Variants in TRMT9B observed in about 807,000 individuals in gnomAD.
TRMT9B encodes tRNA methyltransferase 9B (putative), also known as probable tRNA methyltransferase 9B.
A neutral mutation model predicts 11.5 loss-of-function variants in TRMT9B; 16 were observed. The ratio of observed to expected loss-of-function variants is 1.39; its 90% CI spans 0.94 to 2.11. The LOEUF is 2.11. Ranked by LOEUF, TRMT9B falls within the 30% of genes most tolerant of loss-of-function variation. TRMT9B has a pLI of 0.00. For missense variants in TRMT9B, 941 were observed against 553.8 expected (o/e 1.70, Z -7.02); for synonymous variants, 274 against 192.4 (o/e 1.42, Z -3.51).
intron 1 of TRMT9B, among the ~76,000 whole-genome samples, chr8:12,978,661 G>A (rs1804852934): frequency 6.6e-6 from 1 of 152,162 alleles, no homozygotes; most frequent in Non-Finnish European, 1.5e-5. Context: ...AGTAGCCACT[G>A]CAGGGCATGA....
intron 2 of TRMT9B, among the ~76,000 whole-genome samples, chr8:12,998,449 T>C (rs1808762823): frequency 6.6e-6 from 1 of 152,244 alleles, no homozygotes; most frequent in Non-Finnish European, 1.5e-5. Flanking sequence ...CATAGAGGAC[T>C]CACTACAGGC....
chr8:12,972,266 C>G (rs1410805675), intron 1 of TRMT9B, among the ~76,000 whole-genome samples: 1 of 152,134 alleles, frequency 6.6e-6, no homozygotes, highest in African/African-American at 2.4e-5. Flanking sequence ...GACGAGGGGT[C>G]CCCAGAGCTG....
chr8:12,998,939 G>A (rs1808857153), intron 2 of TRMT9B, among the ~76,000 whole-genome samples: 1 of 152,190 alleles, frequency 6.6e-6, no homozygotes, highest in Admixed American at 6.5e-5. Flanking sequence ...AATTGTGGCT[G>A]TTGGATATAT....
intron 1 of TRMT9B, among the ~76,000 whole-genome samples, chr8:12,975,723 G>A (rs1804345349): frequency 6.7e-6 from 1 of 149,144 alleles, no homozygotes; most frequent in Admixed American, 6.9e-5. Flanking sequence ...GGGCGACAGA[G>A]CAAGACTGTC....
intron 3 of TRMT9B, chr8:13,010,722 T>C (rs1811428442): frequency 4.1e-6 from 4 of 984,720 alleles, no homozygotes; most frequent in Non-Finnish European, 4.8e-6. Flanking sequence ...CTTTCATTTC[T>C]CCTAAAGTAT....
At chr8:13,011,599 T>C (rs1009721276) in intron 3 of TRMT9B, 10 of 952,268 alleles carry the variant, frequency 1.1e-5, no homozygotes, top group Admixed American at 6.2e-5. Context: ...GTAGAAGGCT[T>C]TGTTTCAAGG....
intron 1 of TRMT9B, among the ~76,000 whole-genome samples, chr8:12,976,707 T>C (rs1454175496): frequency 6.6e-6 from 1 of 152,062 alleles, no homozygotes; most frequent in Non-Finnish European, 1.5e-5. Context: ...GTCAGCAAGG[T>C]TAAGAAAACT....
intron 2 of TRMT9B, among the ~76,000 whole-genome samples, chr8:13,001,590 C>A (rs1400706439): frequency 1.3e-5 from 2 of 152,162 alleles, no homozygotes; most frequent in South Asian, 2.1e-4. Flanking sequence ...ATTAACATTT[C>A]CACAGTGTCT....
At chr8:13,012,121 C>A (rs1046339658) in intron 3 of TRMT9B, 22 of 985,538 alleles carry the variant, frequency 2.2e-5, no homozygotes, top group Non-Finnish European at 2.5e-5. Context: ...GTGTACTGAG[C>A]CCTGTGGACA....
In TRMT9B at chr8:13,028,097, T is replaced by C. The variant is rs1434452563; in HGVS notation, c.*6053T>C. The C allele has an allele frequency of 6.0e-6, 1 of 167,098 alleles. No individual in the cohort carries two copies. The highest frequency in any genetic ancestry group is 1.5e-5 in the Non-Finnish European group (1 of 68,120). 10.4% of individuals were successfully genotyped at this position (167,098 alleles called of 1,614,324 possible). On this transcript the variant is annotated 3_prime_UTR_variant, in exon 5 of 5. Coordinates refer to ENST00000524591, the MANE Select transcript of TRMT9B (RefSeq NM_020844.3). ...TCTAGCTGAATTGTTCTATTTTTAA[T>C]TCCCCAGGGATCCTACGGTCTATGA... is the stretch of plus-strand genomic sequence containing the variant.
intron 1 of TRMT9B, among the ~76,000 whole-genome samples, chr8:12,956,034 A>T (rs1801257410): frequency 6.6e-6 from 1 of 152,206 alleles, no homozygotes. Context: ...GCTACCAACA[A>T]CAAAAACAAG....
At position 12,990,923 on chromosome 8, in the gene TRMT9B, G is replaced by A. The variant is rs1290548407; in HGVS notation, c.-110G>A. 13 of 1,289,060 alleles carry A rather than the reference G, an allele frequency of 1.0e-5. No homozygotes were observed. Among genetic ancestry groups the A allele is most frequent in the Admixed American group, 4.6e-5 (2 of 43,522 alleles). The allele number at this position is 1,289,060 out of a possible 1,614,324, so 79.9% of individuals were successfully genotyped here. On this transcript the variant is annotated 5_prime_UTR_variant, in exon 2 of 5. Coordinates refer to ENST00000524591, the MANE Select transcript of TRMT9B (RefSeq NM_020844.3). Reference sequence around the variant, plus strand: ...TTCACTCCTACAAGTTTTCATTTACGTTACACATTGAGAAAGTTATGAGAA... The same window carrying A: ...TTCACTCCTACAAGTTTTCATTTACATTACACATTGAGAAAGTTATGAGAA...
chr8:12,950,407 G>A (rs114536620), intron 1 of TRMT9B, among the ~76,000 whole-genome samples: 10 of 152,314 alleles, frequency 6.6e-5, no homozygotes, highest in African/African-American at 2.4e-4. Flanking sequence ...GAACATCACA[G>A]TATCCAATAC....
At chr8:13,001,644 A>G (rs1563399187) in intron 2 of TRMT9B, among the ~76,000 whole-genome samples, 2 of 152,186 alleles carry the variant, frequency 1.3e-5, no homozygotes, top group Admixed American at 1.3e-4. Flanking sequence ...GTGTTTAAAG[A>G]CAGAAAGAGT....
At chr8:12,964,897 T>C (rs1802614586) in intron 1 of TRMT9B, among the ~76,000 whole-genome samples, 1 of 152,098 alleles carries the variant, frequency 6.6e-6, no homozygotes, top group Admixed American at 6.5e-5. Context: ...GGTTCAGAGA[T>C]AAGACTGTTT....
intron 2 of TRMT9B, among the ~76,000 whole-genome samples, chr8:12,993,310 A>G (rs541873139): frequency 4.6e-5 from 7 of 152,354 alleles, no homozygotes; most frequent in Admixed American, 1.3e-4. Flanking sequence ...CTGCCATGAA[A>G]TAGAGATTCT....
In TRMT9B at chr8:13,021,745, G is replaced by T; in HGVS notation, c.1066G>T (p.Gly356Cys). Residue 356 changes from glycine (G) to cysteine (C), a missense_variant, in exon 5 of 5, where the codon GGT becomes TGT. Transcript: ENST00000524591. Reference sequence around the variant, plus strand: ...AAATTTTCTGGATAGCACTAATACTGGTGTGAATTGTGTGGATGCAGGCAA... The same window carrying T: ...AAATTTTCTGGATAGCACTAATACTTGTGTGAATTGTGTGGATGCAGGCAA... ...GGNFLDSTNT[G>C]VNCVDAGNIE... 6.2e-7 allele frequency: 1 copy of T among 1,613,916 alleles called. No individual in the cohort carries two copies. The highest frequency in any genetic ancestry group is 8.5e-7 in the Non-Finnish European group (1 of 1,179,864).
intron 1 of TRMT9B, among the ~76,000 whole-genome samples, chr8:12,976,849 A>T (rs956762168): frequency 3.3e-5 from 5 of 152,160 alleles, no homozygotes; most frequent in African/African-American, 1.2e-4. Context: ...GCCCAGCATC[A>T]GCTCTGACCT....
chr8:12,975,535 G>A (rs555658887), intron 1 of TRMT9B, among the ~76,000 whole-genome samples: 5 of 152,156 alleles, frequency 3.3e-5, no homozygotes, highest in African/African-American at 7.2e-5. Context: ...CCAGGAGTTC[G>A]AGACCAGCCT....
Sources: allele counts gnomAD v4.1 joint callset (sites outside exome capture counted in the v4.1 genomes callset), GRCh38; gene constraint gnomAD v4.1.1; transcripts MANE v1.5; gene names NCBI Gene and HGNC (gene_info 2026-07-23, HGNC 2026-07-21).